The following CAPN1 variants were observed in gnomAD, a reference collection of about 807,000 sequenced individuals.
CAPN1 encodes the protein calpain-1 catalytic subunit.
A neutral mutation model predicts 105.2 loss-of-function variants in CAPN1; 77 were observed. That is an observed-to-expected ratio of 0.73 (90% CI 0.61 to 0.88). CAPN1 has a LOEUF of 0.88. Among genes scored for constraint, CAPN1 ranks in the 40% least tolerant of loss-of-function variants. CAPN1 has a pLI of 0.00. For missense variants in CAPN1, 833 were observed against 976.6 expected (o/e 0.85, Z 1.96); for synonymous variants, 355 against 388.8 (o/e 0.91, Z 1.02).
chr11:65,190,107 T>A (rs1247123641), intron 10 of CAPN1, among the ~76,000 whole-genome samples: 1 of 152,202 alleles, frequency 6.6e-6, no homozygotes, highest in African/African-American at 2.4e-5. Flanking sequence ...CCTTCATCTG[T>A]CACCTCTCTC....
At chr11:65,203,161 T>A (rs1170068549) in intron 10 of CAPN1, among the ~76,000 whole-genome samples, 2 of 151,938 alleles carry the variant, frequency 1.3e-5, no homozygotes, top group Non-Finnish European at 2.9e-5. Flanking sequence ...TTTCATCCAC[T>A]CAGCTGTTAT....
At chr11:65,182,533 C>A in intron 1 of CAPN1, 168 bp from the exon 2 acceptor site, 1 of 644,420 alleles carries the variant, frequency 1.6e-6, no homozygotes, top group Non-Finnish European at 2.5e-6. Context: ...TCACTGGGAG[C>A]ACCGGGAGGT....
intron 12 of CAPN1, chr11:65,206,095 A>G: frequency 2.0e-6 from 1 of 507,650 alleles, no homozygotes; most frequent in Non-Finnish European, 3.6e-6. Context: ...TTAAGCTCCG[A>G]GCCTGTGTTT....
chr11:65,206,870 G>C, intron 14 of CAPN1, 51 bp downstream of exon 14: 1 of 1,562,038 alleles, frequency 6.4e-7, no homozygotes, highest in African/African-American at 1.4e-5. Context: ...CCTCACCCCT[G>C]GGTGTGTGAT....
Position 65,186,347 on chromosome 11 carries a change from G to C in CAPN1, c.759+9G>C, listed in dbSNP as rs1948633688. ...TGGGCTGCTCCATAGACGTGAGTGT[G>C]CCCGGCCCCGATGCTTTGGTACCCT... On this transcript the variant is annotated intron_variant, in intron 6 of 21. Transcript: ENST00000279247. The C allele has an allele frequency of 6.2e-7, 1 of 1,604,212 alleles. No individual in the cohort carries two copies. The highest frequency in any genetic ancestry group is 8.5e-7 in the Non-Finnish European group (1 of 1,174,874).
intron 10 of CAPN1, among the ~76,000 whole-genome samples, chr11:65,197,192 T>C (rs886537651): frequency 7.0e-6 from 1 of 143,000 alleles, no homozygotes; most frequent in African/African-American, 2.5e-5. Flanking sequence ...ATCAAACTTA[T>C]TGTTTTGTCT....
chr11:65,197,888 GAAAA>G (rs71049687), intron 10 of CAPN1, among the ~76,000 whole-genome samples: 5 of 83,488 alleles, frequency 6.0e-5, no homozygotes, highest in African/African-American at 2.1e-4. Flanking sequence ...AACTCTATCT[GAAAA>G]AAAAAAAAAA....
chr11:65,205,959 G>A, intron 12 of CAPN1: 1 of 576,460 alleles, frequency 1.7e-6, no homozygotes, highest in East Asian at 2.8e-5. Flanking sequence ...GCCCCTGTCT[G>A]ACATGTACAC....
intron 10 of CAPN1, among the ~76,000 whole-genome samples, chr11:65,200,684 A>G (rs1948855574): frequency 6.6e-6 from 1 of 151,970 alleles, no homozygotes; most frequent in Non-Finnish European, 1.5e-5. Context: ...TCTGTCACCC[A>G]GGTTGGAGTG....
At chr11:65,197,888 GAAAAAAA>G (rs71049687) in intron 10 of CAPN1, among the ~76,000 whole-genome samples, 1 of 83,490 alleles carries the variant, frequency 1.2e-5, no homozygotes, top group Non-Finnish European at 2.1e-5. Flanking sequence ...AACTCTATCT[GAAAAAAA>G]AAAAAAAAAA....
At position 65,200,544 on chromosome 11, in the gene CAPN1, C is replaced by T. The variant is rs533635042; in HGVS notation, c.1166-4139C>T. On this transcript the variant is annotated intron_variant, in intron 10 of 21. Transcript: ENST00000279247. ...ATTTTTAGTAGAGACAGGGTTTCAC[C>T]ATCTTGGCCAGGCTGGTCTTGAACT... Among the ~76,000 whole-genome samples the T allele has an allele frequency of 4.6e-5, 7 of 152,208 alleles. No homozygotes were observed. The South Asian group carries it at 1.5e-3, about 32-fold the overall frequency.
chr11:65,210,251 G>GCC lies in CAPN1; in HGVS notation c.1943-81_1943-80dup, dbSNP rs753824181. 45 of 1,173,990 alleles carry GCC rather than the reference G, an allele frequency of 3.8e-5. No homozygotes were observed. Among genetic ancestry groups the GCC allele is most frequent in the Middle Eastern group, 1.9e-4 (1 of 5,298 alleles). The allele number at this position is 1,173,990 out of a possible 1,614,324, so 72.7% of individuals were successfully genotyped here. On this transcript the variant is annotated intron_variant, in intron 19 of 21. Coordinates refer to ENST00000279247, the MANE Select transcript of CAPN1 (RefSeq NM_005186.4). The surrounding 1 kb of genome is among the most constrained non-coding windows in gnomAD (Gnocchi z 4.3). ...GTTACTAGCACCCTGCCTAGCCCCA[G>GCC]CCCCCTCCTGGGGACCCAACCCCTC... is the stretch of plus-strand genomic sequence containing the variant.
chr11:65,206,547 C>G lies in CAPN1; in HGVS notation c.1438C>G (p.Leu480Val). 6.2e-7 allele frequency: 1 copy of G among 1,613,508 alleles called. No individual in the cohort carries two copies. Among genetic ancestry groups the G allele is most frequent in the African/African-American group, 1.3e-5 (1 of 75,074 alleles). ...GGCGCGCTCAGAGCAGTTCATCAAC[C>G]TGCGAGAGGTCAGCACCCGCTTCCG... ...SRARSEQFIN[L>V]REVSTRFRLP... The change falls in exon 13 of 22, where the codon CTG becomes GTG. Residue 480 changes from leucine (L) to valine (V), a missense_variant. Transcript: ENST00000279247.
chr11:65,187,559 G>A (rs1212414494), intron 7 of CAPN1: 2 of 554,422 alleles, frequency 3.6e-6, no homozygotes, highest in African/African-American at 3.8e-5. Context: ...AGCAGGGCTT[G>A]GAGAGGATGA....
chr11:65,197,029 C>G (rs1247455124), intron 10 of CAPN1, among the ~76,000 whole-genome samples: 1 of 152,130 alleles, frequency 6.6e-6, no homozygotes, highest in Non-Finnish European at 1.5e-5. Context: ...GAAACTGAGG[C>G]ACAGAAAGAT....
chr11:65,182,484 G>A (rs1324163527), intron 1 of CAPN1: 2 of 539,522 alleles, frequency 3.7e-6, no homozygotes, highest in East Asian at 3.0e-5. Context: ...AGGAGAGGTG[G>A]CCGGCACGCC....
intron 12 of CAPN1, chr11:65,206,151 G>T: frequency 1.9e-6 from 1 of 539,492 alleles, no homozygotes; most frequent in South Asian, 2.2e-5. Context: ...ATGAGGTGCC[G>T]AGTACCCTGC....
chr11:65,204,074 G>C (rs1948912794), intron 10 of CAPN1, among the ~76,000 whole-genome samples: 1 of 152,016 alleles, frequency 6.6e-6, no homozygotes, highest in African/African-American at 2.4e-5. Context: ...GCCTCCTGTC[G>C]GACCCCTGCT....
At chr11:65,192,665 T>A (rs1246733516) in intron 10 of CAPN1, among the ~76,000 whole-genome samples, 1 of 151,574 alleles carries the variant, frequency 6.6e-6, no homozygotes, top group African/African-American at 2.4e-5. Context: ...AGAGACAGGG[T>A]TTTTTAGAGA....
Sources: gnomAD v4.1 joint callset for allele counts (sites outside exome capture counted in the v4.1 genomes callset) on GRCh38, gnomAD v4.1.1 for gene constraint, Gnocchi (gnomAD v3.1) non-coding constraint, MANE v1.5 for transcripts, NCBI Gene and HGNC (gene_info 2026-07-23, HGNC 2026-07-21) for gene names.